Variants in TIPIN observed in about 807,000 individuals in gnomAD.
TIPIN encodes TIMELESS-interacting protein.
In TIPIN, 29 loss-of-function variants were observed where a neutral mutation model predicts 35.6. The ratio of observed to expected loss-of-function variants is 0.82; its 90% CI spans 0.61 to 1.11. The LOEUF (loss-of-function observed/expected upper bound fraction) is 1.11. TIPIN is among the 50% of genes most tolerant of loss of function. The probability of loss-of-function intolerance (pLI) is 0.00; values close to 1 mark genes in which losing one functional copy is unlikely to be tolerated. For synonymous variants in TIPIN, 102 were observed against 121.5 expected (o/e 0.84, Z 1.06); for missense variants, 296 against 345.4 (o/e 0.86, Z 1.13).
At chr15:66,377,425 C>T (rs534342928) in intron 1 of TIPIN, among the ~76,000 whole-genome samples, 5 of 151,946 alleles carry the variant, frequency 3.3e-5, no homozygotes, top group Admixed American at 6.5e-5. Context: ...AGTGCAGTGG[C>T]GCCATCTTGG....
At chr15:66,371,362 A>T in intron 1 of TIPIN, 1 of 985,268 alleles carries the variant, frequency 1.0e-6, no homozygotes, top group South Asian at 4.7e-5. Context: ...AGAAGACGTA[A>T]GTGTTTTAAT....
At chr15:66,379,015 C>A (rs2093308108) in intron 1 of TIPIN, among the ~76,000 whole-genome samples, 1 of 152,130 alleles carries the variant, frequency 6.6e-6, no homozygotes, top group Non-Finnish European at 1.5e-5. Context: ...TCGTCTTGGT[C>A]TCCCAAAGTG....
intron 4 of TIPIN, 79 bp downstream of exon 4, chr15:66,351,446 G>A (rs2093167143): frequency 9.4e-7 from 1 of 1,060,836 alleles, no homozygotes; most frequent in Non-Finnish European, 1.4e-6. Flanking sequence ...AGCATTCTGA[G>A]ATTTCCAAGA....
At chr15:66,376,319 C>A (rs1377567247) in intron 1 of TIPIN, among the ~76,000 whole-genome samples, 1 of 152,106 alleles carries the variant, frequency 6.6e-6, no homozygotes, top group Non-Finnish European at 1.5e-5. Flanking sequence ...AATTTACTCT[C>A]CTTTTGACAG....
rs1462306545 is a variant in TIPIN at position 66,336,798 on chromosome 15, A to C, written c.*160T>G. 3.3e-6 allele frequency: 2 copies of C among 607,838 alleles called. No homozygotes were observed. Among genetic ancestry groups the C allele is most frequent in the Non-Finnish European group, 5.7e-6 (2 of 353,896 alleles). 37.7% of individuals were successfully genotyped at this position (607,838 alleles called of 1,614,324 possible). A position where few individuals can be genotyped will look rare whatever the true frequency, so the allele number is the denominator to read the frequency against. ...AGAACAAATAGATTTAACTAAAGTG[A>C]CAAGCATAATTATAAATAAATACCA... On this transcript the variant is annotated 3_prime_UTR_variant, in exon 8 of 8. Transcript: ENST00000261881.
intron 1 of TIPIN, among the ~76,000 whole-genome samples, chr15:66,380,266 A>C (rs1002325134): frequency 1.3e-5 from 2 of 151,284 alleles, no homozygotes; most frequent in Non-Finnish European, 2.9e-5. Flanking sequence ...CGGCCTCCCA[A>C]AGTGCTGGGA....
In TIPIN at chr15:66,341,306, G is replaced by A. The variant is rs2093084822; in HGVS notation, c.526C>T (p.Pro176Ser). 6.2e-7 allele frequency: 1 copy of A among 1,613,852 alleles called. No homozygotes were observed. Among genetic ancestry groups the A allele is most frequent in the Non-Finnish European group, 8.5e-7 (1 of 1,180,010 alleles). Reference protein sequence around the residue: ...EHDVTSTELDPFLTNLSESEM... With the variant: ...EHDVTSTELDSFLTNLSESEM... ...CTTTCAGATAAGTTTGTCAGAAAGG[G>A]ATCTAATTCAGTAGAAGTGACATCA... The change falls in exon 7 of 8, where the codon CCC becomes TCC. Residue 176 changes from proline (P) to serine (S), a missense_variant. Transcript: ENST00000261881.
At chr15:66,344,113 C>G (rs1207538904) in intron 6 of TIPIN, among the ~76,000 whole-genome samples, 1 of 150,860 alleles carries the variant, frequency 6.6e-6, no homozygotes, top group Non-Finnish European at 1.5e-5. Flanking sequence ...TTGTTTTTTT[C>G]AAGAGATGGG....
At chr15:66,339,775 C>T (rs1566970331) in intron 7 of TIPIN, among the ~76,000 whole-genome samples, 2 of 151,964 alleles carry the variant, frequency 1.3e-5, no homozygotes, top group Admixed American at 1.3e-4. Context: ...AATCTTCAGG[C>T]AGTTTTAGAA....
At chr15:66,376,381 T>C (rs2093296840) in intron 1 of TIPIN, among the ~76,000 whole-genome samples, 1 of 152,132 alleles carries the variant, frequency 6.6e-6, no homozygotes, top group Non-Finnish European at 1.5e-5. Flanking sequence ...AGTAATCATG[T>C]ATGTAGAAAA....
upstream of TIPIN, among the ~76,000 whole-genome samples, chr15:66,357,868 A>T (rs1049001055): frequency 5.3e-5 from 8 of 152,082 alleles, no homozygotes; most frequent in Non-Finnish European, 5.9e-5. Context: ...AGGCAGGAGT[A>T]TCACTTGAAC....
intron 1 of TIPIN, among the ~76,000 whole-genome samples, chr15:66,373,353 T>C (rs12902453): frequency 0.057 from 8,602 of 151,746 alleles, 345 homozygotes; most frequent in Middle Eastern, 0.11. Flanking sequence ...ATTAGCCAGG[T>C]GTGGTGGCGG....
intron 1 of TIPIN, among the ~76,000 whole-genome samples, chr15:66,380,142 C>T (rs2093313583): frequency 6.6e-6 from 1 of 151,846 alleles, no homozygotes; most frequent in Non-Finnish European, 1.5e-5. Flanking sequence ...GCTGGGACTA[C>T]AGGCGCCCAC....
At chr15:66,386,714 C>T (rs1310656517) in exon 1 of TIPIN, 1 of 186,260 alleles carries the variant, frequency 5.4e-6, no homozygotes, top group Non-Finnish European at 1.1e-5. Context: ...ACAGAGGGCG[C>T]CACGGCGTCC....
chr15:66,336,876 T>G lies in TIPIN; in HGVS notation c.*82A>C, dbSNP rs1179398326. 25 of 1,206,006 alleles carry G rather than the reference T, an allele frequency of 2.1e-5. No individual in the cohort carries two copies. In the Admixed American group the frequency reaches 4.9e-4, roughly 24 times the overall value. 74.7% of individuals were successfully genotyped at this position (1,206,006 alleles called of 1,614,324 possible). A position where few individuals can be genotyped will look rare whatever the true frequency, so the allele number is the denominator to read the frequency against. Reference sequence around the variant, plus strand: ...TAACAGTTTTACTATCTAAGGATTTTCACTCCAAGAAGAAAAAATACATAG... The same window carrying G: ...TAACAGTTTTACTATCTAAGGATTTGCACTCCAAGAAGAAAAAATACATAG... On this transcript the variant is annotated 3_prime_UTR_variant, in exon 8 of 8. Coordinates refer to ENST00000261881, the MANE Select transcript of TIPIN (RefSeq NM_017858.3).
At chr15:66,352,724 G>A (rs1397569843) in intron 2 of TIPIN, 91 bp downstream of exon 2, 30 of 1,363,236 alleles carry the variant, frequency 2.2e-5, no homozygotes, top group African/African-American at 2.9e-5. Flanking sequence ...CTTGTGATCC[G>A]CCCGCCTCAG....
chr15:66,340,889 G>A (rs556498177), intron 7 of TIPIN, among the ~76,000 whole-genome samples: 8 of 152,106 alleles, frequency 5.3e-5, no homozygotes, highest in Non-Finnish European at 8.8e-5. Flanking sequence ...GAGCCACCAC[G>A]CCTGGCCAGG....
At chr15:66,365,897 T>G (rs1214742517) in intron 1 of TIPIN, among the ~76,000 whole-genome samples, 1 of 152,030 alleles carries the variant, frequency 6.6e-6, no homozygotes, top group Non-Finnish European at 1.5e-5. Context: ...TTGCTTTCAC[T>G]TTACTCTGTG....
At chr15:66,385,844 G>A (rs1290409511) in intron 1 of TIPIN, among the ~76,000 whole-genome samples, 3 of 151,534 alleles carry the variant, frequency 2.0e-5, no homozygotes, top group East Asian at 1.9e-4. Flanking sequence ...GTGTGCAGTG[G>A]TGTGATCATA....
Sources: gnomAD v4.1 joint callset for allele counts (sites outside exome capture counted in the v4.1 genomes callset) on GRCh38, gnomAD v4.1.1 for gene constraint, MANE v1.5 for transcripts, NCBI Gene and HGNC (gene_info 2026-07-23, HGNC 2026-07-21) for gene names.